MYO7B: variants seen among roughly 807,000 people sequenced by gnomAD.
The protein encoded by MYO7B is myosin VIIB, also known as unconventional myosin-VIIb.
Under a neutral mutation model 259.7 loss-of-function variants are expected in MYO7B, and 212 were observed. The observed-to-expected ratio is 0.82, with a 90% CI of 0.73 to 0.91. The LOEUF is 0.91. MYO7B is among the 40% of genes least tolerant of loss of function. The pLI is 0.00. For missense variants in MYO7B, 2,732 were observed against 2,813.5 expected (o/e 0.97, Z 0.66); for synonymous variants, 1,197 against 1,166.4 (o/e 1.03, Z -0.54).
In MYO7B at chr2:127,636,171, G is replaced by C; in HGVS notation, c.6007-37G>C. The C allele has an allele frequency of 6.4e-7, 1 of 1,550,618 alleles. No homozygotes were observed. The highest frequency in any genetic ancestry group is 2.3e-5 in the East Asian group (1 of 44,308). ...CCCACCAGGGCTTTGGAGGGCCTCT[G>C]GGCACCCAAGTCCTTACTGGCCCTC... On this transcript the variant is annotated intron_variant, in intron 44 of 47. Transcript: ENST00000409816. This position sits in a 1 kb window ranked among gnomAD's most constrained non-coding sequence, Gnocchi z 4.5.
rs1680946010 is a variant in MYO7B at position 127,623,515 on chromosome 2, C to T, written c.3819+140C>T. ...CCAGGCACAGCACTGCTTACCCTCC[C>T]AGCCACCAGGCACAGGCAGGTGCAC... On this transcript the variant is annotated intron_variant, in intron 29 of 47. Transcript: ENST00000409816. 1.0e-5 allele frequency: 9 copies of T among 899,928 alleles called. No homozygotes were observed. In the South Asian group the frequency reaches 1.6e-4, roughly 16 times the overall value. 55.7% of individuals were successfully genotyped at this position (899,928 alleles called of 1,614,324 possible). A position where few individuals can be genotyped will look rare whatever the true frequency, so the allele number is the denominator to read the frequency against.
intron 12 of MYO7B, among the ~76,000 whole-genome samples, chr2:127,583,244 C>T (rs759826661): frequency 3.9e-5 from 6 of 152,232 alleles, no homozygotes; most frequent in Non-Finnish European, 5.9e-5. Flanking sequence ...CATGCCCCTG[C>T]CCAAGGCCTG....
rs1179987749 is a variant in MYO7B at position 127,592,913 on chromosome 2, C to T, written c.2112C>T (p.Phe704=). The change falls in exon 17 of 48, where the codon TTC becomes TTT. Residue 704 remains phenylalanine (F), a synonymous_variant. Transcript: ENST00000409816. ...RYTFEEFSQR[F]GVLLPNAMRM... ...CGTTCGAGGAGTTCTCGCAGAGGTT[C>T]GGCGTGTTGCTGCCCAACGCCATGC... The T allele has an allele frequency of 1.9e-6, 3 of 1,604,052 alleles. No individual in the cohort carries two copies. Among genetic ancestry groups the T allele is most frequent in the South Asian group, 2.2e-5 (2 of 89,034 alleles).
Position 127,630,803 on chromosome 2 carries a change from AGAG to A in MYO7B, c.4835_4837del (p.Arg1612del), listed in dbSNP as rs1681441195. 3 of 1,612,956 alleles carry A rather than the reference AGAG, an allele frequency of 1.9e-6. No individual in the cohort carries two copies. On this transcript the variant is annotated inframe_deletion, in exon 36 of 48. Coordinates refer to ENST00000409816, the MANE Select transcript of MYO7B (RefSeq NM_001393586.1). ...AGCTTGCTTGCCATGTCACCAGAGA[AGAG>A]GAAGCTGGCGGCTCAGGAGGGGCAG...
At chr2:127,549,645 G>A (rs1338925326) in intron 1 of MYO7B, among the ~76,000 whole-genome samples, 1 of 152,210 alleles carries the variant, frequency 6.6e-6, no homozygotes, top group Non-Finnish European at 1.5e-5. Context: ...AGGAGATGAG[G>A]TGCTATGGTC....
rs768991627 is a variant in MYO7B, at chr2:127,559,126, C to G, written c.-23-574C>G. On this transcript the variant is annotated intron_variant, in intron 1 of 47. Coordinates refer to ENST00000409816, the MANE Select transcript of MYO7B (RefSeq NM_001393586.1). The surrounding 1 kb of genome is among the most constrained non-coding windows in gnomAD (Gnocchi z 4.1). The stretch of plus-strand genomic sequence containing the variant: ...GGGCTCCTCCCCGCTCCTCCTCCTG[C>G]TGGGCCTGGCTGCCTACTTGGGCCT... 2.0e-5 allele frequency among the ~76,000 whole-genome samples: 3 copies of G among 152,166 alleles called. No individual in the cohort carries two copies. Among genetic ancestry groups the G allele is most frequent in the Non-Finnish European group, 1.5e-5 (1 of 68,022 alleles).
chr2:127,561,328 G>A (rs1678078313), intron 2 of MYO7B, among the ~76,000 whole-genome samples: 3 of 151,552 alleles, frequency 2.0e-5, no homozygotes, highest in South Asian at 2.1e-4. Context: ...GCGCAATCTC[G>A]GCTCACTGCA....
At chr2:127,541,264 C>G (rs889636711) in intron 1 of MYO7B, among the ~76,000 whole-genome samples, 1 of 151,552 alleles carries the variant, frequency 6.6e-6, no homozygotes, top group Non-Finnish European at 1.5e-5. Flanking sequence ...CAGGGCTGTC[C>G]CCACAGTGAA....
At chr2:127,617,165 C>T (rs1680601225) in intron 26 of MYO7B, among the ~76,000 whole-genome samples, 1 of 152,152 alleles carries the variant, frequency 6.6e-6, no homozygotes, top group African/African-American at 2.4e-5. Flanking sequence ...TCACAGGTAC[C>T]AGCGCACGTT....
In MYO7B at chr2:127,593,574, T is replaced by G. The variant is rs201694464; in HGVS notation, c.2174T>G (p.Leu725Arg). The change falls in exon 18 of 48, where the codon CTG becomes CGG. Residue 725 changes from leucine (L) to arginine (R), a missense_variant. By Grantham distance (102) the Leu-to-Arg change is moderately radical. Coordinates refer to ENST00000409816, the MANE Select transcript of MYO7B (RefSeq NM_001393586.1). ...QLQGKLRQMT[L>R]GITDVWLRTD... Reference sequence around the variant, plus strand: ...CAAGGCAAGCTCCGCCAGATGACCCTGGGCATCACTGACGTGTGGCTGCGG... The same window carrying G: ...CAAGGCAAGCTCCGCCAGATGACCCGGGGCATCACTGACGTGTGGCTGCGG... The G allele has an allele frequency of 9.7e-4, 1,560 of 1,613,522 alleles. 1 individual carries two copies. The highest frequency in any genetic ancestry group is 1.3e-3 in the Non-Finnish European group (1,495 of 1,179,748).
At chr2:127,580,719 A>G (rs1372080013) in intron 9 of MYO7B, 27 bp from the exon 10 acceptor site, 2 of 1,601,794 alleles carry the variant, frequency 1.2e-6, no homozygotes, top group South Asian at 1.1e-5. Context: ...CTGCTTTCCA[A>G]CTCAGCATTC....
intron 18 of MYO7B, among the ~76,000 whole-genome samples, chr2:127,595,988 C>T (rs1383824791): frequency 6.6e-6 from 1 of 152,038 alleles, no homozygotes; most frequent in Non-Finnish European, 1.5e-5. Flanking sequence ...TCCACTTGAT[C>T]CAGAGCTGAG....
At chr2:127,549,898 T>A (rs1693382667) in intron 1 of MYO7B, among the ~76,000 whole-genome samples, 1 of 152,152 alleles carries the variant, frequency 6.6e-6, no homozygotes, top group South Asian at 2.1e-4. Context: ...TTACCCCAAA[T>A]AATCAAACTG....
intron 2 of MYO7B, among the ~76,000 whole-genome samples, chr2:127,561,121 A>G (rs1312977719): frequency 6.6e-6 from 1 of 152,168 alleles, no homozygotes; most frequent in Non-Finnish European, 1.5e-5. Context: ...GGAATATGCC[A>G]CGGGATGCAT....
chr2:127,569,037 A>C (rs1403582053), intron 5 of MYO7B, among the ~76,000 whole-genome samples: 2 of 151,990 alleles, frequency 1.3e-5, no homozygotes, highest in Non-Finnish European at 1.5e-5. Context: ...GTGAAACCTT[A>C]TCTCTACTAA....
In MYO7B at chr2:127,615,414, CA is replaced by C. The variant is rs1280041200; in HGVS notation, c.3398+2812del. Among the ~76,000 whole-genome samples, 2 of 152,090 alleles carry C rather than the reference CA, an allele frequency of 1.3e-5. No individual in the cohort carries two copies. Among genetic ancestry groups the C allele is most frequent in the African/African-American group, 4.8e-5 (2 of 41,424 alleles). The stretch of plus-strand genomic sequence containing the variant: ...AAAAGAAACTTTTAAAGGAAGGGGT[CA>C]GGGGAAGAAGAAAAGGGCTCCCTAC... On this transcript the variant is annotated intron_variant, in intron 26 of 47. Transcript: ENST00000409816. The surrounding 1 kb of genome is among the most constrained non-coding windows in gnomAD (Gnocchi z 4.4).
At chr2:127,560,933 T>C (rs1678060633) in intron 2 of MYO7B, among the ~76,000 whole-genome samples, 1 of 152,270 alleles carries the variant, frequency 6.6e-6, no homozygotes, top group African/African-American at 2.4e-5. Flanking sequence ...ACAGCCAAGA[T>C]TGGCTTCTTG....
Position 127,569,805 on chromosome 2 carries a change from G to A in MYO7B, c.487G>A (p.Gly163Ser), listed in dbSNP as rs1678511334. 11 of 1,612,234 alleles carry A rather than the reference G, an allele frequency of 6.8e-6. No homozygotes were observed. Among genetic ancestry groups the A allele is most frequent in the African/African-American group, 1.3e-5 (1 of 74,874 alleles). ...CCIISGESGA[G>S]KTETTKLILQ... ...TTTTTGCAGCGGCGAGTCTGGGGCT[G>A]GCAAGACGGAGACCACCAAGCTCAT... Residue 163 changes from glycine (G) to serine (S), a missense_variant, in exon 6 of 48, where the codon GGC (glycine) becomes AGC (serine). Around this residue, in one of 3 missense-constraint regions of MYO7B, gnomAD observed 1,906 missense variants for 2,026.4 expected, o/e 0.94. Transcript: ENST00000409816.
chr2:127,572,564 CTTCCT>C (rs1678690221), intron 6 of MYO7B, among the ~76,000 whole-genome samples: 3 of 127,688 alleles, frequency 2.3e-5, no homozygotes, highest in South Asian at 2.3e-4. Flanking sequence ...TTTCTCCTTC[CTTCCT>C]TTCTTTTTCT....
Sources: gnomAD v4.1 joint callset for allele counts (sites outside exome capture counted in the v4.1 genomes callset) on GRCh38, gnomAD v4.1.1 for gene constraint, gnomAD v4.1.1 regional missense constraint, Gnocchi (gnomAD v3.1) non-coding constraint, MANE v1.5 for transcripts, NCBI Gene and HGNC (gene_info 2026-07-23, HGNC 2026-07-21) for gene names.